Variants in KCNT2 observed in about 807,000 individuals in gnomAD.
The protein encoded by KCNT2 is potassium sodium-activated channel subfamily T member 2.
In KCNT2, 67 loss-of-function variants were observed where a neutral mutation model predicts 153.8. The observed-to-expected ratio is 0.44, with a 90% CI of 0.36 to 0.53. The LOEUF is 0.53. Ranked by LOEUF, KCNT2 falls within the 20% of genes least tolerant of loss-of-function variation. The pLI is 0.00. For synonymous variants in KCNT2, 500 were observed against 458.8 expected (o/e 1.09, Z -1.15); for missense variants, 975 against 1,354.8 (o/e 0.72, Z 4.40).
chr1:196,320,027 T>C (rs927616110), intron 19 of KCNT2, among the ~76,000 whole-genome samples: 1 of 151,802 alleles, frequency 6.6e-6, no homozygotes, highest in Admixed American at 6.6e-5. Context: ...AATCACAACA[T>C]GCCCTATATA....
intron 1 of KCNT2, among the ~76,000 whole-genome samples, chr1:196,557,017 G>A (rs1658763960): frequency 6.6e-6 from 1 of 150,722 alleles, no homozygotes; most frequent in Non-Finnish European, 1.5e-5. Flanking sequence ...GTGGAAGTAG[G>A]GATGATTAAT....
At chr1:196,344,280 T>C (rs1484665934) in intron 14 of KCNT2, among the ~76,000 whole-genome samples, 2 of 152,176 alleles carry the variant, frequency 1.3e-5, no homozygotes, top group Admixed American at 1.3e-4. Context: ...CATTGCTAAA[T>C]TCCGGAGCTA....
At chr1:196,592,828 T>C (rs145880564) in intron 1 of KCNT2, among the ~76,000 whole-genome samples, 2 of 148,958 alleles carry the variant, frequency 1.3e-5, no homozygotes, top group East Asian at 1.9e-4. Flanking sequence ...TTTACTTTTA[T>C]GTATTTTAAT....
intron 13 of KCNT2, among the ~76,000 whole-genome samples, chr1:196,392,744 T>C (rs1194211031): frequency 6.6e-6 from 1 of 151,468 alleles, no homozygotes; most frequent in Non-Finnish European, 1.5e-5. Flanking sequence ...GGTCAAATCA[T>C]TTCTCCAAGA....
intron 21 of KCNT2, among the ~76,000 whole-genome samples, chr1:196,308,234 G>A (rs1661825466): frequency 6.6e-6 from 1 of 151,910 alleles, no homozygotes; most frequent in Non-Finnish European, 1.5e-5. Flanking sequence ...AGTTGTCTAT[G>A]TAAGATTAAC....
chr1:196,286,786 T>A (rs888397596), intron 22 of KCNT2, among the ~76,000 whole-genome samples: 3 of 152,104 alleles, frequency 2.0e-5, no homozygotes, highest in African/African-American at 7.2e-5. Context: ...AGAGCAAATG[T>A]CAAATTTGTT....
intron 25 of KCNT2, among the ~76,000 whole-genome samples, chr1:196,271,645 A>C (rs1005237924): frequency 6.6e-6 from 1 of 151,966 alleles, no homozygotes; most frequent in Non-Finnish European, 1.5e-5. Flanking sequence ...TTATAAAATA[A>C]GGTAAGAGAA....
intron 16 of KCNT2, 75 bp from the exon 17 acceptor site, chr1:196,334,135 A>C (rs1664758996): frequency 1.2e-6 from 1 of 815,222 alleles, no homozygotes; most frequent in African/African-American, 1.7e-5. Flanking sequence ...TACATGAAAT[A>C]TGAAATATAA....
chr1:196,232,281 G>T (rs111980676), intron 27 of KCNT2, among the ~76,000 whole-genome samples: 7,524 of 151,542 alleles, frequency 0.05, 283 homozygotes, highest in Non-Finnish European at 0.071. Context: ...ATTATTGTTC[G>T]CATCAAATTA....
At chr1:196,279,703 C>T (rs1019753462) in intron 25 of KCNT2, among the ~76,000 whole-genome samples, 1 of 151,694 alleles carries the variant, frequency 6.6e-6, no homozygotes, top group African/African-American at 2.4e-5. Context: ...GCTGGGATTA[C>T]AGGTGTGAGC....
chr1:196,581,791 C>G (rs1416162808), intron 1 of KCNT2, among the ~76,000 whole-genome samples: 2 of 152,060 alleles, frequency 1.3e-5, no homozygotes, highest in South Asian at 4.1e-4. Context: ...ATCAAATTCA[C>G]TTTCTTCCAT....
chr1:196,425,270 A>C lies in KCNT2; in HGVS notation c.1121+582T>G, dbSNP rs543834051. 5.9e-4 allele frequency among the ~76,000 whole-genome samples: 90 copies of C among 151,990 alleles called. 1 individual carries two copies. In the South Asian group the frequency reaches 0.018, roughly 30 times the overall value. On this transcript the variant is annotated intron_variant, in intron 11 of 27. Transcript: ENST00000294725. ...TTAAGACTATGTCACCTTTAAGACAAATTGCCTGGTACATGCACAAAAAGA... is the reference window on the plus strand; with the variant it reads ...TTAAGACTATGTCACCTTTAAGACACATTGCCTGGTACATGCACAAAAAGA...
At chr1:196,500,291 A>G (rs1680587811) in intron 1 of KCNT2, among the ~76,000 whole-genome samples, 1 of 5,446 alleles carries the variant, frequency 1.8e-4, no homozygotes, top group Non-Finnish European at 5.2e-4. Context: ...GGAGGGAGGG[A>G]GGGAGGGAGG....
At chr1:196,551,864 A>C (rs1657949008) in intron 1 of KCNT2, among the ~76,000 whole-genome samples, 1 of 151,616 alleles carries the variant, frequency 6.6e-6, no homozygotes, top group Non-Finnish European at 1.5e-5. Context: ...TTATAATGAA[A>C]AGAAACATTC....
chr1:196,502,889 G>A (rs1451046017), intron 1 of KCNT2, among the ~76,000 whole-genome samples: 2 of 151,804 alleles, frequency 1.3e-5, no homozygotes, highest in African/African-American at 2.4e-5. Flanking sequence ...AAGAAATATA[G>A]AATAATTATA....
intron 16 of KCNT2, among the ~76,000 whole-genome samples, chr1:196,337,190 C>T (rs1335334337): frequency 6.6e-6 from 1 of 151,108 alleles, no homozygotes; most frequent in Non-Finnish European, 1.5e-5. Context: ...CCTAGCCTTT[C>T]CTCTAAATTT....
In KCNT2 at chr1:196,319,493, G is replaced by C. The variant is rs759707557; in HGVS notation, c.2339C>G (p.Ser780Cys). ...AGATTTTGTCACCTACTTGTCAATA[G>C]AGCCCACCATGTAGTAAACCATTGG... is the stretch of plus-strand genomic sequence containing the variant. ...WFPMVYYMVG[S>C]IDNLDDLLRC... The change falls in exon 20 of 28, where the codon TCT (serine) becomes TGT (cysteine). Residue 780 changes from serine to cysteine, a missense_variant. By Grantham distance (112) the Ser-to-Cys change is moderately radical (BLOSUM62 -1). Coordinates refer to ENST00000294725, the MANE Select transcript of KCNT2 (RefSeq NM_198503.5). The C allele has an allele frequency of 5.0e-6, 8 of 1,609,442 alleles. No homozygotes were observed. Among genetic ancestry groups the C allele is most frequent in the Non-Finnish European group, 6.8e-6 (8 of 1,176,954 alleles).
chr1:196,256,016 CA>C (rs1380375686), intron 26 of KCNT2, among the ~76,000 whole-genome samples: 3 of 152,008 alleles, frequency 2.0e-5, no homozygotes, highest in African/African-American at 4.8e-5. Flanking sequence ...TTTAATCTCT[CA>C]AAAGGCAAAT....
chr1:196,482,560 G>A (rs991145357), intron 3 of KCNT2, among the ~76,000 whole-genome samples, 181 bp from the exon 4 acceptor site: 11 of 151,946 alleles, frequency 7.2e-5, no homozygotes, highest in South Asian at 4.2e-4. Flanking sequence ...TTTCTATTCC[G>A]ATAAAAACTT....
Sources: gnomAD v4.1 joint callset for allele counts (sites outside exome capture counted in the v4.1 genomes callset) on GRCh38, gnomAD v4.1.1 for gene constraint, MANE v1.5 for transcripts, NCBI Gene and HGNC (gene_info 2026-07-23, HGNC 2026-07-21) for gene names.